Variants in RFX4 observed in about 807,000 individuals in gnomAD.
RFX4 encodes transcription factor RFX4.
Under a neutral mutation model 95.0 loss-of-function variants are expected in RFX4, and 10 were observed. The ratio of observed to expected loss-of-function variants is 0.11; its 90% CI spans 0.06 to 0.18. RFX4 has a LOEUF of 0.18. Ranked by LOEUF, RFX4 falls within the 10% of genes least tolerant of loss-of-function variation. The pLI is 1.00. For synonymous variants in RFX4, 321 were observed against 340.7 expected (o/e 0.94, Z 0.64); for missense variants, 640 against 922.0 (o/e 0.69, Z 3.96).
intron 15 of RFX4, 186 bp downstream of exon 15, chr12:106,733,271 A>T (rs539957976): frequency 1.7e-6 from 1 of 588,734 alleles, no homozygotes; most frequent in Admixed American, 2.9e-5. Context: ...AGGAGCTACG[A>T]TCGCACCACT....
At chr12:106,627,875 C>T (rs936513733) in intron 2 of RFX4, among the ~76,000 whole-genome samples, 1 of 152,110 alleles carries the variant, frequency 6.6e-6, no homozygotes, top group Non-Finnish European at 1.5e-5. Flanking sequence ...GGCCAAATGC[C>T]CTGCCAATAG....
intron 2 of RFX4, among the ~76,000 whole-genome samples, chr12:106,617,603 G>A (rs1271733039): frequency 6.6e-6 from 1 of 152,154 alleles, no homozygotes; most frequent in Admixed American, 6.5e-5. Context: ...AACACATTCT[G>A]TATTATTTCA....
intron 17 of RFX4, among the ~76,000 whole-genome samples, chr12:106,758,466 A>G (rs1403264624): frequency 6.6e-6 from 1 of 152,258 alleles, no homozygotes; most frequent in Admixed American, 6.5e-5. Flanking sequence ...CTATGACACA[A>G]CTTCTGAGCA....
chr12:106,603,351 C>G (rs1037600758), intron 1 of RFX4, among the ~76,000 whole-genome samples: 1 of 152,218 alleles, frequency 6.6e-6, no homozygotes, highest in Admixed American at 6.5e-5. Context: ...TATGGCTCTG[C>G]TCAACCTCAT....
Position 106,739,152 on chromosome 12 carries a change from A to AAAG in RFX4, c.1633+6069_1633+6070insGAA, listed in dbSNP as rs1483974827. Among the ~76,000 whole-genome samples, 334 of 152,256 alleles carry AAAG rather than the reference A, an allele frequency of 2.2e-3. 1 individual carries two copies. Among genetic ancestry groups the AAAG allele is most frequent in the African/African-American group, 7.3e-3 (304 of 41,550 alleles). On this transcript the variant is annotated intron_variant, in intron 15 of 17. Transcript: ENST00000392842. The stretch of plus-strand genomic sequence containing the variant: ...GAAAGAAAGAAAGAAAGAAAGAAAG[A>AAAG]AAAGGTGAGGAAAATTAAATGAAAC...
intron 3 of RFX4, 106 bp from the exon 4 acceptor site, chr12:106,654,122 A>G (rs2040909954): frequency 1.4e-6 from 2 of 1,460,714 alleles, no homozygotes; most frequent in Admixed American, 1.7e-5. Context: ...TGTAGAAAGA[A>G]CGTTATTTCT....
At chr12:106,694,396 C>A (rs969090263) in intron 7 of RFX4, among the ~76,000 whole-genome samples, 3 of 152,142 alleles carry the variant, frequency 2.0e-5, no homozygotes, top group Non-Finnish European at 2.9e-5. Context: ...CCAGAGGCAG[C>A]CTTTTCAGAG....
At position 106,715,476 on chromosome 12, in the gene RFX4, G is replaced by C; in HGVS notation, c.1070G>C (p.Ser357Thr). ...GACTGGAGGAACGTGGACCTGAACA[G>C]CATCACCAAGCAAACCCTTTACACC... The part of the protein sequence containing the change: ...LEDWRNVDLN[S>T]ITKQTLYTME... The change falls in exon 11 of 18, where the codon AGC (serine) becomes ACC (threonine). Residue 357 changes from serine (S) to threonine (T), a missense_variant. Coordinates refer to ENST00000392842, the MANE Select transcript of RFX4 (RefSeq NM_213594.3). 3 of 1,614,222 alleles carry C rather than the reference G, an allele frequency of 1.9e-6. No individual in the cohort carries two copies. Among genetic ancestry groups the C allele is most frequent in the Non-Finnish European group, 2.5e-6 (3 of 1,180,038 alleles).
At chr12:106,719,911 G>A (rs1315373922) in intron 11 of RFX4, 49 bp from the exon 12 acceptor site, 3 of 1,428,502 alleles carry the variant, frequency 2.1e-6, no homozygotes, top group Non-Finnish European at 3.0e-6. Context: ...CGTAGCTCTT[G>A]TTAAATACAA....
At chr12:106,749,359 G>C (rs950431963) in intron 16 of RFX4, among the ~76,000 whole-genome samples, 1 of 152,092 alleles carries the variant, frequency 6.6e-6, no homozygotes, top group African/African-American at 2.4e-5. Context: ...GACATGGGAG[G>C]AGGAGGGGGA....
rs112244990 is a variant in RFX4 at position 106,719,678 on chromosome 12, G to GA, written c.1139-273dup. On this transcript the variant is annotated intron_variant, in intron 11 of 17. Transcript: ENST00000392842. ...AGGAACCAAGTAGTGGGAAAAGCCT[G>GA]AAAAAAAAAGACTAAGGCTATGAAA... is the stretch of plus-strand genomic sequence containing the variant. 5.3e-4 allele frequency among the ~76,000 whole-genome samples: 80 copies of GA among 150,372 alleles called. 1 individual carries two copies. Among genetic ancestry groups the GA allele is most frequent in the African/African-American group, 8.3e-4 (34 of 41,000 alleles).
At chr12:106,636,344 C>T (rs570921899) in intron 2 of RFX4, among the ~76,000 whole-genome samples, 5 of 147,112 alleles carry the variant, frequency 3.4e-5, no homozygotes, top group Non-Finnish European at 7.4e-5. Context: ...GAGCTGAGAT[C>T]GTGCCATTGC....
At chr12:106,591,741 T>C (rs2039549728) in intron 1 of RFX4, among the ~76,000 whole-genome samples, 3 of 152,320 alleles carry the variant, frequency 2.0e-5, no homozygotes, top group Middle Eastern at 6.8e-3. Flanking sequence ...GCTTCATTCA[T>C]GCAACAGGAA....
intron 3 of RFX4, among the ~76,000 whole-genome samples, chr12:106,652,812 C>A (rs1389926051): frequency 6.6e-6 from 1 of 152,198 alleles, no homozygotes; most frequent in Non-Finnish European, 1.5e-5. Context: ...GGGGCCGTGT[C>A]CTCATTCCAC....
intron 8 of RFX4, among the ~76,000 whole-genome samples, chr12:106,706,547 G>A (rs959213856): frequency 6.6e-5 from 10 of 152,136 alleles, no homozygotes; most frequent in Non-Finnish European, 1.3e-4. Flanking sequence ...CCAAAATAGC[G>A]TATGCAAAAC....
intron 1 of RFX4, among the ~76,000 whole-genome samples, chr12:106,585,233 G>A (rs1025428127): frequency 6.6e-6 from 1 of 152,222 alleles, no homozygotes; most frequent in African/African-American, 2.4e-5. Context: ...AGGCCCCTCG[G>A]TACTTCTGGG....
At chr12:106,699,398 A>G (rs2041944367) in intron 8 of RFX4, among the ~76,000 whole-genome samples, 1 of 152,192 alleles carries the variant, frequency 6.6e-6, no homozygotes, top group Non-Finnish European at 1.5e-5. Context: ...TAATTATTCT[A>G]TAAATGTCAA....
intron 4 of RFX4, among the ~76,000 whole-genome samples, chr12:106,673,006 G>A (rs1338229086): frequency 2.0e-5 from 3 of 152,144 alleles, no homozygotes; most frequent in East Asian, 3.9e-4. Flanking sequence ...GGAGGAGGAG[G>A]AGAAGATTTG....
intron 1 of RFX4, among the ~76,000 whole-genome samples, chr12:106,596,087 A>G (rs1302224283): frequency 2.6e-5 from 4 of 152,056 alleles, no homozygotes; most frequent in African/African-American, 4.8e-5. Flanking sequence ...CCCAACCCCC[A>G]CACACAAAGA....
Sources: gnomAD v4.1 joint callset for allele counts (sites outside exome capture counted in the v4.1 genomes callset) on GRCh38, gnomAD v4.1.1 for gene constraint, MANE v1.5 for transcripts, NCBI Gene and HGNC (gene_info 2026-07-23, HGNC 2026-07-21) for gene names.